Variants in D2HGDH observed in about 807,000 individuals in gnomAD.
D2HGDH encodes D-2-hydroxyglutarate dehydrogenase.
In D2HGDH, 31 loss-of-function variants were observed where a neutral mutation model predicts 46.9. The observed-to-expected ratio is 0.66, with a 90% confidence interval of 0.50 to 0.89. The LOEUF is 0.89. Among genes scored for constraint, D2HGDH ranks in the 40% least tolerant of loss-of-function variants. D2HGDH has a pLI of 0.00. For missense variants in D2HGDH, 698 were observed against 720.8 expected (o/e 0.97, Z 0.36); for synonymous variants, 364 against 332.6 (o/e 1.09, Z -1.03).
At chr2:241,749,907 T>A (rs977808824) in intron 6 of D2HGDH, 9 of 579,836 alleles carry the variant, frequency 1.6e-5, no homozygotes, top group Non-Finnish European at 2.8e-5. Context: ...CTTCTCCTGA[T>A]CTGATGCTGG....
intron 9 of D2HGDH, among the ~76,000 whole-genome samples, chr2:241,761,742 G>GTCACCATA (rs1698843324): frequency 6.6e-6 from 1 of 152,048 alleles, no homozygotes; most frequent in South Asian, 2.1e-4. Context: ...CTGTCACCAT[G>GTCACCATA]TCACCATCCT....
At chr2:241,749,257 C>T (rs78280775) in intron 6 of D2HGDH, 580,755 of 1,238,890 alleles carry the variant, frequency 0.47, 140,872 homozygotes, top group African/African-American at 0.8. Context: ...ACATGGTGCT[C>T]GGGTCACAGG....
chr2:241,756,096 G>A, intron 9 of D2HGDH, 82 bp downstream of exon 9: 3 of 1,493,072 alleles, frequency 2.0e-6, no homozygotes, highest in Non-Finnish European at 1.8e-6. Context: ...AGGCTTCGAG[G>A]CAGGGCAGTT....
chr2:241,742,477 C>T lies in D2HGDH; in HGVS notation c.393C>T (p.Gly131=), dbSNP rs749960795. ...ERNLAVNPQG[G]NTGMVGGSVP... ...ACCTGGCCGTGAACCCACAGGGGGGCAACACAGGCATGGTGGGTGGCAGCG... is the reference window on the plus strand; with the variant it reads ...ACCTGGCCGTGAACCCACAGGGGGGTAACACAGGCATGGTGGGTGGCAGCG... Residue 131 remains glycine, a synonymous_variant, in exon 4 of 10, where the codon GGC becomes GGT. Transcript: ENST00000321264. The surrounding 1 kb of genome is among the most constrained non-coding windows in gnomAD (Gnocchi z 4.8). The T allele has an allele frequency of 3.7e-6, 6 of 1,613,928 alleles. No homozygotes were observed. The highest frequency in any genetic ancestry group is 2.2e-5 in the South Asian group (2 of 91,052).
chr2:241,749,192 A>ACAC (rs1460294532), intron 6 of D2HGDH: 1 of 876,042 alleles, frequency 1.1e-6, no homozygotes, highest in Non-Finnish European at 1.5e-6. Context: ...AGACCCTCCA[A>ACAC]CACCACCACC....
intron 2 of D2HGDH, among the ~76,000 whole-genome samples, chr2:241,737,144 G>C (rs1377589521): frequency 1.3e-5 from 2 of 152,114 alleles, no homozygotes; most frequent in African/African-American, 4.8e-5. Flanking sequence ...CATTCTTTTT[G>C]TATTTTTAGT....
chr2:241,764,810 C>G lies in D2HGDH; in HGVS notation c.1307-2900C>G, dbSNP rs560102199. Among the ~76,000 whole-genome samples the G allele has an allele frequency of 5.9e-5, 9 of 152,344 alleles. No individual in the cohort carries two copies. In the South Asian group the frequency reaches 1.9e-3, roughly 32 times the overall value. ...AGCCGCTGTCCTTGTCTGGGCAGCC[C>G]TTGAGCTGGTTTCTGGCTCCCTCTC... On this transcript the variant is annotated intron_variant, in intron 9 of 9. Transcript: ENST00000321264.
intron 2 of D2HGDH, among the ~76,000 whole-genome samples, chr2:241,739,836 C>T (rs1468078028): frequency 6.6e-6 from 1 of 152,248 alleles, no homozygotes; most frequent in Non-Finnish European, 1.5e-5. Context: ...AAGGGAAAGC[C>T]CTCCCTCGTG....
intron 6 of D2HGDH, among the ~76,000 whole-genome samples, chr2:241,748,378 C>T (rs370019100): frequency 7.2e-5 from 11 of 152,344 alleles, no homozygotes; most frequent in Admixed American, 2.6e-4. Context: ...GCCTCGGCCT[C>T]CCAAAGTGCT....
chr2:241,739,409 G>A (rs900247609), intron 2 of D2HGDH, among the ~76,000 whole-genome samples: 8 of 152,250 alleles, frequency 5.3e-5, no homozygotes, highest in Non-Finnish European at 1.0e-4. Flanking sequence ...CTCAGGTGCC[G>A]CACTGAAGTG....
Position 241,755,873 on chromosome 2 carries a change from A to G in D2HGDH, c.1165A>G (p.Ile389Val). 6.2e-7 allele frequency: 1 copy of G among 1,613,030 alleles called. No individual in the cohort carries two copies. The highest frequency in any genetic ancestry group is 1.1e-5 in the South Asian group (1 of 91,064). Residue 389 changes from isoleucine to valine, a missense_variant, in exon 9 of 10, where the codon ATC (isoleucine) becomes GTC (valine). Transcript: ENST00000321264. ...GATGCTGTGGGCCCTGAGGGAAAGG[A>G]TCACAGAGGCGCTGAGCCGGGATGG... is the stretch of plus-strand genomic sequence containing the variant. ...VKMLWALRERITEALSRDGYV... is the reference protein window; with the variant it reads ...VKMLWALRERVTEALSRDGYV...
chr2:241,753,556 T>C (rs1425883911), intron 8 of D2HGDH, among the ~76,000 whole-genome samples: 1 of 152,242 alleles, frequency 6.6e-6, no homozygotes, highest in African/African-American at 2.4e-5. Context: ...TTTTTGGACA[T>C]GTTGAGACAA....
At chr2:241,750,392 C>CG in intron 7 of D2HGDH, 98 bp downstream of exon 7, 1 of 962,696 alleles carries the variant, frequency 1.0e-6, no homozygotes, top group Non-Finnish European at 1.4e-6. Flanking sequence ...GCGGGGGGTG[C>CG]CCGGGCGGGC....
At chr2:241,741,117 A>C (rs199944754) in intron 3 of D2HGDH, 27 bp downstream of exon 3, 3 of 1,608,656 alleles carry the variant, frequency 1.9e-6, no homozygotes, top group Non-Finnish European at 2.5e-6. Flanking sequence ...CGGCTCCCCC[A>C]GCCTTCCCTG....
In D2HGDH at chr2:241,735,475, C is replaced by T. The variant is rs764204572; in HGVS notation, c.251C>T (p.Ala84Val). The T allele has an allele frequency of 5.6e-6, 9 of 1,608,890 alleles. No homozygotes were observed. Among genetic ancestry groups the T allele is most frequent in the Non-Finnish European group, 7.6e-6 (9 of 1,179,764 alleles). ...VPGGVVTDPE[A>V]LQAPNVDWLR... is the part of the protein sequence containing the mutation. ...GGCGGGGTCGTCACGGACCCGGAAG[C>T]GCTGCAGGCTCCCAACGTGGACTGG... The change falls in exon 2 of 10, where the codon GCG becomes GTG. Residue 84 changes from alanine to valine, a missense_variant. Ala to Val is a moderately conservative substitution (Grantham distance 64). Transcript: ENST00000321264.
At chr2:241,737,763 G>A (rs190824565) in intron 2 of D2HGDH, among the ~76,000 whole-genome samples, 16 of 152,314 alleles carry the variant, frequency 1.1e-4, no homozygotes, top group Admixed American at 3.9e-4. Flanking sequence ...GGTGGCATGT[G>A]TCTGTGTGCT....
At chr2:241,759,671 C>T (rs1698554877) in intron 9 of D2HGDH, among the ~76,000 whole-genome samples, 1 of 152,072 alleles carries the variant, frequency 6.6e-6, no homozygotes, top group South Asian at 2.1e-4. Flanking sequence ...CTACTTCACC[C>T]TGCTCTTTGT....
chr2:241,758,338 T>C (rs2125163244), intron 9 of D2HGDH, among the ~76,000 whole-genome samples: 1 of 152,358 alleles, frequency 6.6e-6, no homozygotes, highest in Non-Finnish European at 1.5e-5. Flanking sequence ...TTTAAAATTA[T>C]AGCTCAGCTT....
Position 241,755,976 on chromosome 2 carries a change from G to A in D2HGDH, c.1268G>A (p.Gly423Asp), listed in dbSNP as rs765787655. 1.1e-5 allele frequency: 18 copies of A among 1,604,382 alleles called. No individual in the cohort carries two copies. The South Asian group carries it at 2.0e-4, about 18-fold the overall frequency. The change falls in exon 9 of 10, where the codon GGC (glycine) becomes GAC (aspartate). Residue 423 changes from glycine (G) to aspartate (D), a missense_variant. Transcript: ENST00000321264. Reference sequence around the variant, plus strand: ...GTGACTGACCTGCGCGCCCGCCTCGGCCCGCACGCCAAGCACGTGGTGGGC... The same window carrying A: ...GTGACTGACCTGCGCGCCCGCCTCGACCCGCACGCCAAGCACGTGGTGGGC... ...DIVTDLRARL[G>D]PHAKHVVGYG...
Sources: gnomAD v4.1 joint callset for allele counts (sites outside exome capture counted in the v4.1 genomes callset) on GRCh38, gnomAD v4.1.1 for gene constraint, Gnocchi (gnomAD v3.1) non-coding constraint, MANE v1.5 for transcripts, NCBI Gene and HGNC (gene_info 2026-07-23, HGNC 2026-07-21) for gene names.